The following COL8A1 variants were observed in gnomAD, a reference collection of about 807,000 sequenced individuals.
COL8A1 encodes the protein collagen alpha-1(VIII) chain.
In COL8A1, 21 loss-of-function variants were observed where a neutral mutation model predicts 42.7. The observed-to-expected ratio is 0.49, with a 90% CI of 0.35 to 0.71. COL8A1 has a LOEUF of 0.71. Among genes scored for constraint, COL8A1 ranks in the 30% least tolerant of loss-of-function variants. The pLI is 0.01. For synonymous variants in COL8A1, 367 were observed against 369.1 expected (o/e 0.99, Z 0.06); for missense variants, 788 against 962.4 (o/e 0.82, Z 2.40).
chr3:99,795,750 G>T lies in COL8A1; in HGVS notation c.1849G>T (p.Ala617Ser), dbSNP rs1245692637. The T allele has an allele frequency of 6.2e-7, 1 of 1,614,140 alleles. No homozygotes were observed. The highest frequency in any genetic ancestry group is 1.7e-5 in the Admixed American group (1 of 60,032). Residue 617 changes from alanine (A) to serine (S), a missense_variant, in exon 4 of 4, where the codon GCA becomes TCA. Around this residue, in one of 4 missense-constraint regions of COL8A1, gnomAD observed 212 missense variants for 210.9 expected, o/e 1.00. Transcript: ENST00000652472. ...KNGGPAYEMP[A>S]FTAELTAPFP... ...TGGAGGGCCAGCCTATGAGATGCCT[G>T]CATTTACCGCCGAGCTAACCGCACC...
intron 1 of COL8A1, among the ~76,000 whole-genome samples, chr3:99,744,455 A>G (rs951011879): frequency 2.6e-5 from 4 of 152,358 alleles, no homozygotes; most frequent in African/African-American, 9.6e-5. Flanking sequence ...AAGCCCCATC[A>G]CAAGTGATTT....
At chr3:99,738,338 T>C (rs945808927) in intron 1 of COL8A1, among the ~76,000 whole-genome samples, 5 of 152,250 alleles carry the variant, frequency 3.3e-5, no homozygotes, top group Non-Finnish European at 7.3e-5. Context: ...GTTCTGTTTT[T>C]TCCCCATCTT....
At chr3:99,734,755 C>A (rs1940648357) in intron 1 of COL8A1, among the ~76,000 whole-genome samples, 2 of 151,906 alleles carry the variant, frequency 1.3e-5, no homozygotes, top group Non-Finnish European at 2.9e-5. Context: ...TGGCCATTTT[C>A]ACGATATTGA....
At chr3:99,699,765 A>C (rs1203913207) in intron 1 of COL8A1, among the ~76,000 whole-genome samples, 2 of 152,186 alleles carry the variant, frequency 1.3e-5, no homozygotes, top group African/African-American at 4.8e-5. Context: ...TTCTGAATAA[A>C]TATTGACATC....
At chr3:99,759,261 C>T (rs957968639) in intron 2 of COL8A1, among the ~76,000 whole-genome samples, 48 of 152,118 alleles carry the variant, frequency 3.2e-4, no homozygotes, top group Middle Eastern at 3.4e-3. Context: ...TCACAGTAGA[C>T]GGTAAGAAAA....
chr3:99,790,420 C>A (rs1266376816), intron 2 of COL8A1, among the ~76,000 whole-genome samples: 1 of 152,160 alleles, frequency 6.6e-6, no homozygotes, highest in Non-Finnish European at 1.5e-5. Flanking sequence ...AAGGCAGAAT[C>A]GATATGGGGG....
intron 1 of COL8A1, among the ~76,000 whole-genome samples, chr3:99,739,835 T>G (rs932895035): frequency 6.6e-6 from 1 of 152,164 alleles, no homozygotes; most frequent in Non-Finnish European, 1.5e-5. Context: ...TGGCTCCTCA[T>G]TGCTTATGCA....
chr3:99,772,554 T>C (rs35804387), intron 2 of COL8A1, among the ~76,000 whole-genome samples: 12,083 of 152,082 alleles, frequency 0.079, 579 homozygotes, highest in Middle Eastern at 0.11. Flanking sequence ...AGTGTGGGGG[T>C]AGGAGGAATA....
intron 1 of COL8A1, among the ~76,000 whole-genome samples, chr3:99,644,437 T>C (rs771675833): frequency 7.2e-5 from 11 of 152,190 alleles, no homozygotes; most frequent in Non-Finnish European, 1.6e-4. Flanking sequence ...CACTCCATCA[T>C]AGAAAGTGAC....
chr3:99,680,484 G>C (rs1174273540), intron 1 of COL8A1: 1 of 152,192 alleles, frequency 6.6e-6, no homozygotes, highest in Non-Finnish European at 1.5e-5. Flanking sequence ...ATAGCAGCAT[G>C]ATTTATAATC....
At chr3:99,653,547 T>C (rs1937918221) in intron 1 of COL8A1, among the ~76,000 whole-genome samples, 1 of 151,964 alleles carries the variant, frequency 6.6e-6, no homozygotes, top group African/African-American at 2.4e-5. Flanking sequence ...ACCATGTCAA[T>C]GCACAGTATA....
At chr3:99,702,376 C>T (rs1939565917) in intron 1 of COL8A1, among the ~76,000 whole-genome samples, 1 of 152,152 alleles carries the variant, frequency 6.6e-6, no homozygotes, top group African/African-American at 2.4e-5. Context: ...TAAGCCAGGT[C>T]TTAACCATTA....
intron 1 of COL8A1, among the ~76,000 whole-genome samples, chr3:99,680,738 A>G (rs1033854216): frequency 1.1e-4 from 16 of 152,272 alleles, no homozygotes; most frequent in Admixed American, 6.5e-4. Context: ...GCATTTCTGT[A>G]TACTATAAGG....
intron 1 of COL8A1, among the ~76,000 whole-genome samples, chr3:99,688,743 G>T (rs1939135291): frequency 6.6e-6 from 1 of 152,080 alleles, no homozygotes; most frequent in African/African-American, 2.4e-5. Context: ...GTTCAAATAT[G>T]CCCAGTGAGC....
At chr3:99,771,331 T>C (rs1295257106) in intron 2 of COL8A1, among the ~76,000 whole-genome samples, 3 of 152,222 alleles carry the variant, frequency 2.0e-5, no homozygotes, top group Non-Finnish European at 1.5e-5. Context: ...AATACATTCA[T>C]GAAAAGACTG....
chr3:99,737,061 C>CT (rs1559623015), intron 1 of COL8A1, among the ~76,000 whole-genome samples: 1 of 152,040 alleles, frequency 6.6e-6, no homozygotes, highest in Admixed American at 6.6e-5. Flanking sequence ...CAACCCTTGT[C>CT]TTTTTTTGTT....
intron 1 of COL8A1, among the ~76,000 whole-genome samples, chr3:99,687,840 G>T (rs538039303): frequency 3.9e-5 from 6 of 152,280 alleles, no homozygotes; most frequent in African/African-American, 1.4e-4. Context: ...TTTGCAAATA[G>T]TTGTTCAGCT....
rs1204747146 is a variant in COL8A1 at position 99,795,877 on chromosome 3, G to A, written c.1976G>A (p.Gly659Asp). The A allele has an allele frequency of 6.2e-7, 1 of 1,614,160 alleles. No individual in the cohort carries two copies. The highest frequency in any genetic ancestry group is 8.5e-7 in the Non-Finnish European group (1 of 1,180,026). ...QTGIFTCEVP[G>D]VYYFAYHVHC... The stretch of plus-strand genomic sequence containing the variant: ...GGCATCTTCACCTGTGAGGTCCCTG[G>A]TGTCTACTACTTTGCATACCACGTT... Residue 659 changes from glycine (G) to aspartate (D), a missense_variant, in exon 4 of 4, where the codon GGT (glycine) becomes GAT (aspartate). This residue lies in a region of COL8A1 where 212 missense variants were observed against 210.9 expected (regional missense o/e 1.00). Coordinates refer to ENST00000652472, the MANE Select transcript of COL8A1 (RefSeq NM_020351.4).
intron 2 of COL8A1, among the ~76,000 whole-genome samples, chr3:99,773,741 A>T (rs1226818338): frequency 2.1e-5 from 3 of 145,156 alleles, no homozygotes; most frequent in Non-Finnish European, 4.5e-5. Flanking sequence ...GCCTGCATTG[A>T]TAACTATGCA....
Sources: allele counts gnomAD v4.1 joint callset (sites outside exome capture counted in the v4.1 genomes callset), GRCh38; gene constraint gnomAD v4.1.1; regional missense constraint gnomAD v4.1.1; transcripts MANE v1.5; gene names NCBI Gene and HGNC (gene_info 2026-07-23, HGNC 2026-07-21).